The following TMEM163 variants were observed in gnomAD, a reference collection of about 807,000 sequenced individuals.
TMEM163 encodes transmembrane protein 163.
Under a neutral mutation model 29.3 loss-of-function variants are expected in TMEM163, and 17 were observed. The observed-to-expected ratio is 0.58, with a 90% CI of 0.40 to 0.87. The LOEUF (loss-of-function observed/expected upper bound fraction) is 0.87, where lower values mean the gene tolerates loss of function less well. Among genes scored for constraint, TMEM163 ranks in the 40% least tolerant of loss-of-function variants. The pLI, the probability that TMEM163 is intolerant of heterozygous loss-of-function variation, is 0.00. For synonymous variants in TMEM163, 157 were observed against 160.6 expected, an observed-to-expected ratio of 0.98 and a Z score of 0.17; for missense variants, 303 against 381.5, an observed-to-expected ratio of 0.79 and a Z score of 1.71.
chr2:134,511,657 TTCAG>T (rs1312376434), intron 4 of TMEM163, among the ~76,000 whole-genome samples: 1 of 152,204 alleles, frequency 6.6e-6, no homozygotes, highest in Non-Finnish European at 1.5e-5. Flanking sequence ...CTGGCCGGAA[TTCAG>T]TGCATTCCAG....
intron 5 of TMEM163, among the ~76,000 whole-genome samples, chr2:134,493,657 C>A (rs958909080): frequency 2.0e-5 from 3 of 152,148 alleles, no homozygotes; most frequent in Non-Finnish European, 4.4e-5. Flanking sequence ...CAGGCGTGAG[C>A]CACTGCGCCC....
intron 2 of TMEM163, among the ~76,000 whole-genome samples, chr2:134,630,360 G>GA (rs34324088): frequency 0.96 from 143,473 of 149,180 alleles, 68,997 homozygotes; most frequent in East Asian, 0.99. Flanking sequence ...TTTCCAAAAA[G>GA]AAAAAAAAAA....
chr2:134,595,515 T>G (rs76910936), intron 2 of TMEM163, among the ~76,000 whole-genome samples: 9 of 152,328 alleles, frequency 5.9e-5, no homozygotes, highest in African/African-American at 2.2e-4. Flanking sequence ...CAGTCTATCA[T>G]TTTTGGACAT....
At chr2:134,627,934 T>C (rs1682888527) in intron 2 of TMEM163, among the ~76,000 whole-genome samples, 1 of 152,212 alleles carries the variant, frequency 6.6e-6, no homozygotes, top group South Asian at 2.1e-4. Flanking sequence ...CCAGTTTGCA[T>C]ATAAAAATGT....
In TMEM163 at chr2:134,519,067, A is replaced by G. The variant is rs150441878; in HGVS notation, c.459-16070T>C. 1.1e-4 allele frequency among the ~76,000 whole-genome samples: 17 copies of G among 152,296 alleles called. No homozygotes were observed. In the East Asian group the frequency reaches 2.3e-3, roughly 21 times the overall value. Reference sequence around the variant, plus strand: ...ATCTATTCAGGACCCCAGGATCAGGACGTTCTCCTGGACTCAAACGTCCAA... The same window carrying G: ...ATCTATTCAGGACCCCAGGATCAGGGCGTTCTCCTGGACTCAAACGTCCAA... On this transcript the variant is annotated intron_variant, in intron 4 of 7. Coordinates refer to ENST00000281924, the MANE Select transcript of TMEM163 (RefSeq NM_030923.5).
chr2:134,505,591 C>T (rs769101823), intron 4 of TMEM163, among the ~76,000 whole-genome samples: 20 of 152,104 alleles, frequency 1.3e-4, no homozygotes, highest in African/African-American at 1.4e-4. Context: ...CCACAACTTG[C>T]GTGCTATACT....
intron 2 of TMEM163, among the ~76,000 whole-genome samples, chr2:134,581,636 G>GC (rs377473472): frequency 3.3e-5 from 5 of 152,054 alleles, no homozygotes; most frequent in African/African-American, 9.6e-5. Flanking sequence ...TATGGGGGCG[G>GC]GGGGGAGATG....
At chr2:134,601,386 G>A (rs556882281) in intron 2 of TMEM163, among the ~76,000 whole-genome samples, 2 of 152,298 alleles carry the variant, frequency 1.3e-5, no homozygotes, top group South Asian at 2.1e-4. Context: ...GGATCGGAAC[G>A]ACATCGCCAG....
chr2:134,674,283 A>T (rs1684056554), intron 2 of TMEM163, among the ~76,000 whole-genome samples: 1 of 151,312 alleles, frequency 6.6e-6, no homozygotes. Flanking sequence ...AAAGTATCTC[A>T]CACTCATCTC....
At chr2:134,708,316 CCAAA>C (rs1289903052) in intron 2 of TMEM163, among the ~76,000 whole-genome samples, 1 of 152,156 alleles carries the variant, frequency 6.6e-6, no homozygotes, top group Non-Finnish European at 1.5e-5. Context: ...AAGAAAGTTC[CCAAA>C]CATTTTTTGC....
intron 2 of TMEM163, among the ~76,000 whole-genome samples, chr2:134,662,921 G>A (rs1447561620): frequency 1.3e-5 from 2 of 152,192 alleles, no homozygotes; most frequent in Non-Finnish European, 2.9e-5. Context: ...CACCTTGTGT[G>A]ATGGTATCCT....
At chr2:134,574,580 A>T (rs1369736342) in intron 2 of TMEM163, among the ~76,000 whole-genome samples, 1 of 152,176 alleles carries the variant, frequency 6.6e-6, no homozygotes, top group African/African-American at 2.4e-5. Flanking sequence ...ACAAAACAAA[A>T]AAAATCTAGG....
At chr2:134,668,089 G>A (rs954769572) in intron 2 of TMEM163, among the ~76,000 whole-genome samples, 1 of 152,102 alleles carries the variant, frequency 6.6e-6, no homozygotes, top group Non-Finnish European at 1.5e-5. Context: ...TGGGGCCAGG[G>A]ACCAAAACCC....
intron 5 of TMEM163, among the ~76,000 whole-genome samples, chr2:134,476,449 T>C (rs1686914338): frequency 6.6e-6 from 1 of 152,216 alleles, no homozygotes; most frequent in Admixed American, 6.5e-5. Context: ...AAAGGGTGAA[T>C]TTTATTGTAT....
Position 134,678,651 on chromosome 2 carries a change from G to A in TMEM163, c.322+34549C>T, listed in dbSNP as rs1684169215. 3.3e-5 allele frequency among the ~76,000 whole-genome samples: 5 copies of A among 152,168 alleles called. No homozygotes were observed. The South Asian group carries it at 1.0e-3, about 32-fold the overall frequency. ...CAAGGCCCGTCTCTGCTACTCATAA[G>A]CTGTGTCAGCCTGGGGAGTCCTTTC... On this transcript the variant is annotated intron_variant, in intron 2 of 7. Transcript: ENST00000281924.
chr2:134,701,142 T>G lies in TMEM163; in HGVS notation c.322+12058A>C, dbSNP rs533991260. On this transcript the variant is annotated intron_variant, in intron 2 of 7. Transcript: ENST00000281924. Reference sequence around the variant, plus strand: ...TGTTGTTTTGGTACTCCAAAGTAAATTCAAAACAAATTAAAAAGTTAAATA... The same window carrying G: ...TGTTGTTTTGGTACTCCAAAGTAAAGTCAAAACAAATTAAAAAGTTAAATA... Among the ~76,000 whole-genome samples, 5 of 150,988 alleles carry G rather than the reference T, an allele frequency of 3.3e-5. No homozygotes were observed. In the South Asian group the frequency reaches 1.0e-3, roughly 31 times the overall value.
At chr2:134,551,278 GGTGT>G (rs138062067) in intron 3 of TMEM163, among the ~76,000 whole-genome samples, 33 of 150,792 alleles carry the variant, frequency 2.2e-4, no homozygotes, top group Non-Finnish European at 4.7e-4. Flanking sequence ...GGTATGTCTG[GGTGT>G]GTGTGTGTGT....
intron 4 of TMEM163, among the ~76,000 whole-genome samples, chr2:134,514,235 G>T (rs1161564213): frequency 6.6e-6 from 1 of 152,144 alleles, no homozygotes; most frequent in East Asian, 1.9e-4. Flanking sequence ...CCAAGACCAG[G>T]TTGGTCATGT....
At chr2:134,697,908 T>C (rs1254123652) in intron 2 of TMEM163, among the ~76,000 whole-genome samples, 1 of 152,230 alleles carries the variant, frequency 6.6e-6, no homozygotes, top group African/African-American at 2.4e-5. Context: ...TTGATTTAGG[T>C]ATCACAGTAG....
Sources: allele counts gnomAD v4.1 joint callset (sites outside exome capture counted in the v4.1 genomes callset), GRCh38; gene constraint gnomAD v4.1.1; transcripts MANE v1.5; gene names NCBI Gene and HGNC (gene_info 2026-07-23, HGNC 2026-07-21).